Variants in C2orf66 observed in about 807,000 individuals in gnomAD.
C2orf66 encodes chromosome 2 open reading frame 66, also known as uncharacterized protein C2orf66.
In C2orf66, 6 loss-of-function variants were observed where a neutral mutation model predicts 7.0. That is an observed-to-expected ratio of 0.86 (90% confidence interval 0.47 to 1.69). C2orf66 has a LOEUF of 1.69. Ranked by LOEUF, C2orf66 falls within the 40% of genes most tolerant of loss-of-function variation. The pLI is 0.01. For missense variants in C2orf66, 107 were observed against 112.0 expected (o/e 0.96, Z 0.20); for synonymous variants, 38 against 43.8 (o/e 0.87, Z 0.52).
chr2:196,806,092 G>A (rs1699816988), intron 2 of C2orf66, among the ~76,000 whole-genome samples: 1 of 152,134 alleles, frequency 6.6e-6, no homozygotes. Context: ...TTACACTTGT[G>A]GGAGAATGGG....
intron 2 of C2orf66, among the ~76,000 whole-genome samples, chr2:196,806,310 G>C (rs933128180): frequency 6.6e-6 from 1 of 151,972 alleles, no homozygotes; most frequent in South Asian, 2.1e-4. Flanking sequence ...CCATTCTCCT[G>C]CCTCAGCCTC....
At chr2:196,809,067 TA>T in intron 1 of C2orf66, 146 bp downstream of exon 1, 2 of 836,608 alleles carry the variant, frequency 2.4e-6, no homozygotes, top group Non-Finnish European at 3.7e-6. Flanking sequence ...ACTAGGGTAG[TA>T]AAACTCTGGT....
the C2orf66 span, among the ~76,000 whole-genome samples, chr2:196,816,685 C>T: frequency 5.7e-4 from 86 of 151,844 alleles, no homozygotes; most frequent in African/African-American, 2.0e-3. Context: ...GTGTACCCCC[C>T]GAATCTAAAA....
upstream of C2orf66, among the ~76,000 whole-genome samples, chr2:196,813,678 A>G (rs1699897365): frequency 6.6e-6 from 1 of 152,238 alleles, no homozygotes; most frequent in African/African-American, 2.4e-5. Flanking sequence ...CAATCTATCT[A>G]TCTGACAAAG....
chr2:196,825,308 A>G, the C2orf66 span, among the ~76,000 whole-genome samples: 1 of 152,278 alleles, frequency 6.6e-6, no homozygotes, highest in South Asian at 2.1e-4. Flanking sequence ...GTATATGAAA[A>G]AATTATCAAC....
At chr2:196,815,267 C>T in the C2orf66 span, among the ~76,000 whole-genome samples, 1 of 152,138 alleles carries the variant, frequency 6.6e-6, no homozygotes, top group African/African-American at 2.4e-5. Context: ...CCATGCCTGG[C>T]CAGTTTCTTG....
At chr2:196,829,916 A>G in the C2orf66 span, among the ~76,000 whole-genome samples, 1 of 152,124 alleles carries the variant, frequency 6.6e-6, no homozygotes, top group Non-Finnish European at 1.5e-5. Flanking sequence ...CAAACAAAAC[A>G]AAAACGACAA....
At position 196,805,829 on chromosome 2, in the gene C2orf66, T is replaced by C. The variant is rs375000624; in HGVS notation, c.*20-421A>G. On this transcript the variant is annotated intron_variant, in intron 2 of 2. Coordinates refer to ENST00000342506, the MANE Select transcript of C2orf66 (RefSeq NM_213608.3). ...AGAGATAGTATGGTATTAATAACTA[T>C]TCTCTGATACCCTAAGGCCTAAGTG... 6.6e-5 allele frequency among the ~76,000 whole-genome samples: 10 copies of C among 152,356 alleles called. No individual in the cohort carries two copies. In the East Asian group the frequency reaches 1.9e-3, roughly 29 times the overall value.
chr2:196,823,154 A>G, the C2orf66 span, among the ~76,000 whole-genome samples: 1 of 152,134 alleles, frequency 6.6e-6, no homozygotes, highest in Non-Finnish European at 1.5e-5. Context: ...CTAGGGTGGG[A>G]GCTAGAAAGG....
At chr2:196,830,052 C>T in the C2orf66 span, among the ~76,000 whole-genome samples, 9 of 152,158 alleles carry the variant, frequency 5.9e-5, no homozygotes, top group Non-Finnish European at 1.0e-4. Flanking sequence ...TATATCCTCC[C>T]CCATTTTACT....
chr2:196,804,704 C>A lies in C2orf66; in HGVS notation c.*724G>T, dbSNP rs954882678. On this transcript the variant is annotated 3_prime_UTR_variant, in exon 3 of 3. Transcript: ENST00000342506. ...GAGGAAATCACCTGTTTCTACTTTT[C>A]CTTCCTGAGGAGGTTGTGTATGAGA... is the stretch of plus-strand genomic sequence containing the variant. Among the ~76,000 whole-genome samples, 3 of 152,208 alleles carry A rather than the reference C, an allele frequency of 2.0e-5. No individual in the cohort carries two copies. The highest frequency in any genetic ancestry group is 7.2e-5 in the African/African-American group (3 of 41,456).
the C2orf66 span, among the ~76,000 whole-genome samples, chr2:196,820,655 G>A: frequency 6.6e-6 from 1 of 152,202 alleles, no homozygotes. Flanking sequence ...TTCCTAGCAT[G>A]TTACTTAGTA....
chr2:196,825,521 G>A, the C2orf66 span, among the ~76,000 whole-genome samples: 1 of 152,146 alleles, frequency 6.6e-6, no homozygotes, highest in Non-Finnish European at 1.5e-5. Flanking sequence ...ATCTCATGGT[G>A]TATACATATA....
the C2orf66 span, among the ~76,000 whole-genome samples, chr2:196,819,486 T>C: frequency 6.6e-6 from 1 of 152,228 alleles, no homozygotes; most frequent in African/African-American, 2.4e-5. Context: ...ACCCTGATCT[T>C]AGATTTCCAG....
upstream of C2orf66, among the ~76,000 whole-genome samples, chr2:196,811,194 G>A (rs1388401417): frequency 1.3e-5 from 2 of 152,210 alleles, no homozygotes; most frequent in African/African-American, 2.4e-5. Flanking sequence ...GATGCCTGAC[G>A]CAAGATGGGG....
chr2:196,829,713 C>G, the C2orf66 span, among the ~76,000 whole-genome samples: 1 of 151,046 alleles, frequency 6.6e-6, no homozygotes. Context: ...CTGGCTAACA[C>G]AGTGAAACCC....
chr2:196,813,309 C>T (rs1226759226), upstream of C2orf66, among the ~76,000 whole-genome samples: 3 of 152,076 alleles, frequency 2.0e-5, no homozygotes, highest in Non-Finnish European at 2.9e-5. Context: ...ACCAACTCAG[C>T]AAAAACAAGC....
chr2:196,805,485 ATAT>A, intron 2 of C2orf66, 77 bp from the exon 3 acceptor site: 1 of 152,284 alleles, frequency 6.6e-6, no homozygotes, highest in Admixed American at 6.5e-5. Context: ...CCAAATCAAC[ATAT>A]TTTACTGAAA....
chr2:196,823,292 T>C, the C2orf66 span, among the ~76,000 whole-genome samples: 3 of 152,090 alleles, frequency 2.0e-5, no homozygotes, highest in Non-Finnish European at 2.9e-5. Context: ...TAATAGAAAT[T>C]TGGAAACTAA....
Sources: gnomAD v4.1 joint callset for allele counts (sites outside exome capture counted in the v4.1 genomes callset) on GRCh38, gnomAD v4.1.1 for gene constraint, MANE v1.5 for transcripts, NCBI Gene and HGNC (gene_info 2026-07-23, HGNC 2026-07-21) for gene names.